Variants in CNTN5 observed in about 807,000 individuals in gnomAD.
CNTN5 encodes contactin 5.
A neutral mutation model predicts 129.1 loss-of-function variants in CNTN5; 77 were observed. The ratio of observed to expected loss-of-function variants is 0.60; its 90% confidence interval spans 0.50 to 0.72. The LOEUF (loss-of-function observed/expected upper bound fraction) is 0.72. Ranked by LOEUF, CNTN5 falls within the 30% of genes least tolerant of loss-of-function variation. CNTN5 has a pLI of 0.00. For missense variants in CNTN5, 1,478 were observed against 1,328.8 expected (o/e 1.11, Z -1.75); for synonymous variants, 509 against 465.6 (o/e 1.09, Z -1.20).
At chr11:99,740,162 G>GT in intron 3 of CNTN5, among the ~76,000 whole-genome samples, 1 of 152,028 alleles carries the variant, frequency 6.6e-6, no homozygotes, top group Non-Finnish European at 1.5e-5. Flanking sequence ...AAAGAAAATA[G>GT]TTTTGCTTTA....
intron 3 of CNTN5, among the ~76,000 whole-genome samples, chr11:99,706,270 A>G (rs892229826): frequency 3.3e-5 from 5 of 151,446 alleles, no homozygotes; most frequent in Non-Finnish European, 5.9e-5. Flanking sequence ...TGCCTGTATT[A>G]TACAGAACTT....
intron 3 of CNTN5, among the ~76,000 whole-genome samples, chr11:99,637,293 A>G (rs979004632): frequency 9.2e-5 from 14 of 152,252 alleles, no homozygotes; most frequent in Non-Finnish European, 1.6e-4. Context: ...ACCTTATAGC[A>G]TATAAATGAA....
intron 3 of CNTN5, among the ~76,000 whole-genome samples, chr11:99,613,741 A>G (rs905900677): frequency 6.6e-6 from 1 of 152,212 alleles, no homozygotes; most frequent in South Asian, 2.1e-4. Flanking sequence ...TATTCTGAGG[A>G]TAATAGATAC....
intron 3 of CNTN5, among the ~76,000 whole-genome samples, chr11:99,705,314 A>G (rs1433381570): frequency 6.6e-6 from 1 of 151,348 alleles, no homozygotes; most frequent in East Asian, 1.9e-4. Context: ...TGCTCTAAGA[A>G]GAGTTACTGA....
intron 3 of CNTN5, among the ~76,000 whole-genome samples, chr11:99,729,697 C>T (rs1565468622): frequency 6.6e-6 from 1 of 152,140 alleles, no homozygotes; most frequent in East Asian, 1.9e-4. Flanking sequence ...GGTACATACA[C>T]ACCATGGAAT....
chr11:100,036,225 A>T (rs1212057470), intron 9 of CNTN5, among the ~76,000 whole-genome samples: 3 of 152,122 alleles, frequency 2.0e-5, no homozygotes, highest in Admixed American at 2.0e-4. Context: ...TAAATAGGGA[A>T]TCCTTTCCCC....
intron 2 of CNTN5, among the ~76,000 whole-genome samples, chr11:99,512,741 C>T (rs977232569): frequency 2.2e-4 from 34 of 151,980 alleles, no homozygotes; most frequent in Admixed American, 5.9e-4. Context: ...ACAAACAGAT[C>T]CCATATAAGA....
chr11:100,316,515 T>C (rs551699511), intron 21 of CNTN5, among the ~76,000 whole-genome samples: 13 of 152,346 alleles, frequency 8.5e-5, no homozygotes, highest in African/African-American at 1.2e-4. Flanking sequence ...ACAGTGTGAA[T>C]AAATCTGTGC....
chr11:99,696,770 T>C (rs676054), intron 3 of CNTN5, among the ~76,000 whole-genome samples: 1 of 152,046 alleles, frequency 6.6e-6, no homozygotes, highest in South Asian at 2.1e-4. Context: ...ATTGGTATCT[T>C]GGTTTGGCAG....
chr11:99,856,348 GTC>G (rs1323762537), intron 6 of CNTN5, among the ~76,000 whole-genome samples: 12 of 152,198 alleles, frequency 7.9e-5, no homozygotes, highest in Admixed American at 2.6e-4. Context: ...TGCTGTATGA[GTC>G]TGTGTAGAGA....
In CNTN5 at chr11:99,916,136, G is replaced by A. The variant is rs767577401; in HGVS notation, c.660G>A (p.Pro220=). The A allele has an allele frequency of 3.4e-5, 54 of 1,610,650 alleles. No individual in the cohort carries two copies. The highest frequency in any genetic ancestry group is 1.5e-4 in the Admixed American group (9 of 59,624). ...GQGVVLMCSP[P]PHSPEIIYSW... is the part of the protein sequence containing the mutation. ...GTGTCGTTCTGATGTGCTCTCCTCC[G>A]CCACATTCACCAGGTACAGTAGGAT... Residue 220 remains proline, a synonymous_variant, in exon 7 of 25, where the codon CCG becomes CCA. Coordinates refer to ENST00000524871, the MANE Select transcript of CNTN5 (RefSeq NM_014361.4).
intron 2 of CNTN5, among the ~76,000 whole-genome samples, chr11:99,351,156 T>G (rs1938272418): frequency 6.6e-6 from 1 of 152,102 alleles, no homozygotes; most frequent in Non-Finnish European, 1.5e-5. Flanking sequence ...AACCCAGAAC[T>G]TAAAGTATAA....
In CNTN5 at chr11:99,350,226, A is replaced by AAT. The variant is rs1286988549; in HGVS notation, c.-71+24742_-71+24743insAT. ...TTTCACCTTTTAATAATTGCTATGTATATGAAAAGTAAGCAAATTAACAAC... is the reference window on the plus strand; with the variant it reads ...TTTCACCTTTTAATAATTGCTATGTAATTATGAAAAGTAAGCAAATTAACAAC... On this transcript the variant is annotated intron_variant, in intron 2 of 24. Coordinates refer to ENST00000524871, the MANE Select transcript of CNTN5 (RefSeq NM_014361.4). Among the ~76,000 whole-genome samples, 7 of 152,310 alleles carry AAT rather than the reference A, an allele frequency of 4.6e-5. No individual in the cohort carries two copies. The East Asian group carries it at 1.4e-3, about 29-fold the overall frequency.
In CNTN5 at chr11:99,036,664, G is replaced by A. The variant is rs114272661; in HGVS notation, c.-210+15394G>A. Among the ~76,000 whole-genome samples, 647 of 152,220 alleles carry A rather than the reference G, an allele frequency of 4.3e-3. 2 individuals carry two copies. Among genetic ancestry groups the A allele is most frequent in the African/African-American group, 0.015 (603 of 41,526 alleles). ...TTACTGCCAAGTTTTCCTCCATAGC[G>A]ATGATACTAATACTCCCACTATTAG... On this transcript the variant is annotated intron_variant, in intron 1 of 24. Transcript: ENST00000524871.
chr11:99,164,272 G>A lies in CNTN5; in HGVS notation c.-210+143002G>A, dbSNP rs183265727. Among the ~76,000 whole-genome samples, 192 of 144,910 alleles carry A rather than the reference G, an allele frequency of 1.3e-3. 3 individuals are homozygous for A. The highest frequency in any genetic ancestry group is 4.8e-3 in the African/African-American group (184 of 38,718). On this transcript the variant is annotated intron_variant, in intron 1 of 24. Coordinates refer to ENST00000524871, the MANE Select transcript of CNTN5 (RefSeq NM_014361.4). ...CAGGAGGCAGAGGTTGTAGTGAGCC[G>A]AGATCGCGCCACTATACTCCAGCCT...
chr11:99,035,417 A>T (rs1330000418), intron 1 of CNTN5, among the ~76,000 whole-genome samples: 16 of 152,014 alleles, frequency 1.1e-4, no homozygotes, highest in Non-Finnish European at 1.9e-4. Context: ...GTCTCTTTGT[A>T]GGTCACTCAG....
intron 9 of CNTN5, among the ~76,000 whole-genome samples, chr11:100,045,508 A>C (rs530431284): frequency 6.6e-6 from 1 of 152,246 alleles, no homozygotes; most frequent in South Asian, 2.1e-4. Context: ...TAAGAAAGTA[A>C]TAACAAGAAG....
chr11:99,114,962 A>G (rs929691299), intron 1 of CNTN5, among the ~76,000 whole-genome samples: 5 of 152,128 alleles, frequency 3.3e-5, no homozygotes, highest in Non-Finnish European at 7.4e-5. Context: ...ACTCTTACGA[A>G]GGGGATTAGT....
intron 13 of CNTN5, among the ~76,000 whole-genome samples, chr11:100,111,485 G>C (rs1945656945): frequency 6.6e-6 from 1 of 152,100 alleles, no homozygotes. Context: ...TGAAAAGTTT[G>C]GTTCATAGTT....
Sources: allele counts gnomAD v4.1 joint callset (sites outside exome capture counted in the v4.1 genomes callset), GRCh38; gene constraint gnomAD v4.1.1; transcripts MANE v1.5; gene names NCBI Gene and HGNC (gene_info 2026-07-23, HGNC 2026-07-21).